Variants in NRXN1 observed in about 807,000 individuals in gnomAD.
NRXN1 encodes neurexin-1.
In NRXN1, 39 loss-of-function variants were observed where a neutral mutation model predicts 150.9. That is an observed-to-expected ratio of 0.26 (90% confidence interval 0.20 to 0.34). The LOEUF (loss-of-function observed/expected upper bound fraction) is 0.34, where lower values mean the gene tolerates loss of function less well. Ranked by LOEUF, NRXN1 falls within the 10% of genes least tolerant of loss-of-function variation. NRXN1 has a pLI of 1.00. For synonymous variants in NRXN1, 924 were observed against 757.0 expected (o/e 1.22, Z -3.62); for missense variants, 1,815 against 1,949.9 (o/e 0.93, Z 1.30).
chr2:50,787,047 T>C (rs1034498331), intron 5 of NRXN1, among the ~76,000 whole-genome samples: 2 of 152,078 alleles, frequency 1.3e-5, no homozygotes, highest in Non-Finnish European at 2.9e-5. Context: ...ACTAACACTG[T>C]TGGGAAAACA....
At chr2:50,689,977 C>G (rs1358301440) in intron 5 of NRXN1, among the ~76,000 whole-genome samples, 1 of 151,596 alleles carries the variant, frequency 6.6e-6, no homozygotes, top group East Asian at 1.9e-4. Context: ...ACCTCTGCCT[C>G]TGGGGCTCAA....
At chr2:49,926,463 A>C (rs987248190) in intron 22 of NRXN1, 29 of 397,776 alleles carry the variant, frequency 7.3e-5, no homozygotes, top group Non-Finnish European at 1.2e-4. Context: ...TAACTTCGGT[A>C]AACACGAGCT....
At chr2:50,699,865 G>C (rs752522769) in intron 5 of NRXN1, among the ~76,000 whole-genome samples, 6 of 152,074 alleles carry the variant, frequency 3.9e-5, no homozygotes, top group African/African-American at 7.2e-5. Flanking sequence ...CCATAGGAAA[G>C]TAATAAAGCA....
At chr2:50,179,469 G>C (rs374041810) in intron 18 of NRXN1, among the ~76,000 whole-genome samples, 1 of 152,074 alleles carries the variant, frequency 6.6e-6, no homozygotes, top group Non-Finnish European at 1.5e-5. Context: ...ATGCAAACAA[G>C]CAAATTAGAC....
At chr2:50,970,970 C>T (rs1282547270) in intron 2 of NRXN1, among the ~76,000 whole-genome samples, 1 of 152,026 alleles carries the variant, frequency 6.6e-6, no homozygotes, top group Non-Finnish European at 1.5e-5. Context: ...ATTTGAAAAT[C>T]ACAATATTTT....
chr2:50,393,231 C>T (rs1202054338), intron 17 of NRXN1, among the ~76,000 whole-genome samples: 1 of 151,674 alleles, frequency 6.6e-6, no homozygotes, highest in Non-Finnish European at 1.5e-5. Context: ...CAATTTATTT[C>T]TTTAACATCC....
chr2:50,243,579 C>T (rs182347125), intron 17 of NRXN1, among the ~76,000 whole-genome samples: 73 of 151,838 alleles, frequency 4.8e-4, no homozygotes, highest in Non-Finnish European at 9.4e-4. Context: ...GATCACTGTC[C>T]ACACACTATT....
chr2:50,087,676 A>T (rs1698981255), intron 19 of NRXN1, among the ~76,000 whole-genome samples: 1 of 152,144 alleles, frequency 6.6e-6, no homozygotes. Context: ...CTATATAGAA[A>T]ATAATGGATA....
intron 17 of NRXN1, among the ~76,000 whole-genome samples, chr2:50,444,260 T>C (rs1047807881): frequency 1.3e-5 from 2 of 152,156 alleles, no homozygotes; most frequent in African/African-American, 2.4e-5. Context: ...AAAATAAATA[T>C]ACATAAAAGT....
intron 17 of NRXN1, among the ~76,000 whole-genome samples, chr2:50,414,196 A>G (rs970355941): frequency 5.3e-5 from 8 of 152,244 alleles, no homozygotes; most frequent in African/African-American, 1.9e-4. Context: ...AACTTAAAAG[A>G]GTGTAACTGG....
intron 18 of NRXN1, among the ~76,000 whole-genome samples, chr2:50,228,710 A>G (rs2064646559): frequency 6.6e-6 from 1 of 152,020 alleles, no homozygotes; most frequent in Non-Finnish European, 1.5e-5. Flanking sequence ...TCTTTCACCA[A>G]ACTTTTTTGT....
chr2:50,330,851 G>A (rs1460752099), intron 17 of NRXN1, among the ~76,000 whole-genome samples: 2 of 152,132 alleles, frequency 1.3e-5, no homozygotes, highest in Non-Finnish European at 1.5e-5. Context: ...TGAAGGAAAA[G>A]CAGGACAGTG....
At chr2:50,836,413 C>T (rs1486174005) in intron 5 of NRXN1, among the ~76,000 whole-genome samples, 1 of 152,012 alleles carries the variant, frequency 6.6e-6, no homozygotes, top group Non-Finnish European at 1.5e-5. Context: ...CAGTAAATCA[C>T]TAAAGCTTAT....
intron 19 of NRXN1, among the ~76,000 whole-genome samples, chr2:50,060,233 T>A (rs995900895): frequency 6.6e-6 from 1 of 152,174 alleles, no homozygotes; most frequent in Non-Finnish European, 1.5e-5. Context: ...ATGTAAAACA[T>A]GGAGTCAAAG....
intron 17 of NRXN1, among the ~76,000 whole-genome samples, chr2:50,313,580 T>C (rs578125376): frequency 1.3e-5 from 2 of 152,034 alleles, no homozygotes; most frequent in Non-Finnish European, 2.9e-5. Flanking sequence ...AGCCAAGGAA[T>C]CTGGGCAGGT....
intron 5 of NRXN1, among the ~76,000 whole-genome samples, chr2:50,895,015 A>G (rs1245035971): frequency 6.6e-6 from 1 of 152,164 alleles, no homozygotes; most frequent in African/African-American, 2.4e-5. Context: ...GCTTTTCAAG[A>G]AACAACCATG....
chr2:50,044,431 A>G (rs1427572166), intron 21 of NRXN1, among the ~76,000 whole-genome samples: 1 of 152,220 alleles, frequency 6.6e-6, no homozygotes, highest in Non-Finnish European at 1.5e-5. Flanking sequence ...AATGCAACTT[A>G]GATTTTAAAG....
intron 2 of NRXN1, among the ~76,000 whole-genome samples, chr2:50,953,003 A>C (rs1691649713): frequency 6.6e-6 from 1 of 152,200 alleles, no homozygotes; most frequent in Non-Finnish European, 1.5e-5. Context: ...TGATCAATAT[A>C]TATGGAGGAG....
At chr2:50,385,370 T>A (rs191458660) in intron 17 of NRXN1, among the ~76,000 whole-genome samples, 1 of 152,344 alleles carries the variant, frequency 6.6e-6, no homozygotes, top group African/African-American at 2.4e-5. Context: ...GACTAATAGA[T>A]CACAGCATAG....
Sources: gnomAD v4.1 joint callset for allele counts (sites outside exome capture counted in the v4.1 genomes callset) on GRCh38, gnomAD v4.1.1 for gene constraint, MANE v1.5 for transcripts, NCBI Gene and HGNC (gene_info 2026-07-23, HGNC 2026-07-21) for gene names.